Variants in LONRF2 observed in about 807,000 individuals in gnomAD.
The protein encoded by LONRF2 is LON peptidase N-terminal domain and RING finger protein 2.
In LONRF2, 35 loss-of-function variants were observed where a neutral mutation model predicts 66.6. The ratio of observed to expected loss-of-function variants is 0.53; its 90% confidence interval spans 0.40 to 0.70. The LOEUF is 0.70. Among genes scored for constraint, LONRF2 ranks in the 30% least tolerant of loss-of-function variants. LONRF2 has a pLI of 0.00. For synonymous variants in LONRF2, 417 were observed against 418.1 expected (o/e 1.00, Z 0.03); for missense variants, 902 against 1,002.1 (o/e 0.90, Z 1.35).
intron 2 of LONRF2, among the ~76,000 whole-genome samples, chr2:100,306,112 C>G (rs1169962901): frequency 1.3e-5 from 2 of 151,868 alleles, no homozygotes; most frequent in Non-Finnish European, 2.9e-5. Flanking sequence ...CGGGGTTTCA[C>G]CATGTTGGCC....
In LONRF2 at chr2:100,284,481, G is replaced by A. The variant is rs150403852; in HGVS notation, c.2082C>T (p.Ser694=). The A allele has an allele frequency of 3.0e-5, 48 of 1,587,734 alleles. No individual in the cohort carries two copies. Among genetic ancestry groups the A allele is most frequent in the African/African-American group, 1.8e-4 (13 of 74,160 alleles). The change falls in exon 12 of 12, where the codon AGC becomes AGT. Residue 694 remains serine, a synonymous_variant. Coordinates refer to ENST00000393437, the MANE Select transcript of LONRF2 (RefSeq NM_198461.4). ...GGATCCACCAGGACCAGGCAGGGCC[G>A]CTGGGATTACTCTGCAAAAGAGATG... The part of the protein sequence containing the change: ...DREPEPQSNP[S]GPAWSWWILA...
In LONRF2 at chr2:100,273,863, A is replaced by G. The variant is rs953194498; in HGVS notation, c.*10435T>C. ...CACTCTCCACTAGCATGAAAGAACA[A>G]TATATGAATAGAGTACACAGCTTTC... is the stretch of plus-strand genomic sequence containing the variant. On this transcript the variant is annotated 3_prime_UTR_variant, in exon 12 of 12. Coordinates refer to ENST00000393437, the MANE Select transcript of LONRF2 (RefSeq NM_198461.4). The G allele has an allele frequency of 2.6e-5, 4 of 152,212 alleles. No homozygotes were observed. Among genetic ancestry groups the G allele is most frequent in the African/African-American group, 9.7e-5 (4 of 41,446 alleles). 9.4% of individuals were successfully genotyped at this position (152,212 alleles called of 1,614,324 possible).
intron 10 of LONRF2, 110 bp downstream of exon 10, chr2:100,290,148 T>G: frequency 9.8e-7 from 1 of 1,024,726 alleles, no homozygotes; most frequent in Non-Finnish European, 1.4e-6. Flanking sequence ...AAGTGATGAA[T>G]TAAGGACTTA....
rs1674531935 is a variant in LONRF2 at position 100,273,160 on chromosome 2, G to C, written c.*11138C>G. 1 of 152,248 alleles carries C rather than the reference G, an allele frequency of 6.6e-6. No individual in the cohort carries two copies. Among genetic ancestry groups the C allele is most frequent in the South Asian group, 2.1e-4 (1 of 4,836 alleles). The allele number at this position is 152,248 out of a possible 1,614,324, so 9.4% of individuals were successfully genotyped here. The stretch of plus-strand genomic sequence containing the variant: ...CGGAAACTGGAGTGATGCAGCCGCT[G>C]GCCGAGGAAGGCCGAGGTCGGCCAG... On this transcript the variant is annotated 3_prime_UTR_variant, in exon 12 of 12. Coordinates refer to ENST00000393437, the MANE Select transcript of LONRF2 (RefSeq NM_198461.4).
At chr2:100,306,896 T>A (rs978588532) in intron 2 of LONRF2, among the ~76,000 whole-genome samples, 26 of 36,454 alleles carry the variant, frequency 7.1e-4, no homozygotes, top group African/African-American at 2.9e-3. Context: ...TAAACTTACT[T>A]TTTTTTTTTT....
intron 2 of LONRF2, among the ~76,000 whole-genome samples, chr2:100,305,087 CTGAACTCCTGGTACTTTCACGTAGTG>C (rs1450220000): frequency 6.6e-6 from 1 of 152,182 alleles, no homozygotes; most frequent in African/African-American, 2.4e-5. Context: ...ACTCGGAACT[CTGAACTCCTGGTACTTTCACGTAGTG>C]ATCCTGAGTG....
rs190544444 is a variant in LONRF2, at chr2:100,284,230, G to A, written c.*68C>T. Reference sequence around the variant, plus strand: ...ACTTGATGAAGCACAATGAATGGACGGCTATTCGTCCATGCCTGACATTTA... The same window carrying A: ...ACTTGATGAAGCACAATGAATGGACAGCTATTCGTCCATGCCTGACATTTA... On this transcript the variant is annotated 3_prime_UTR_variant, in exon 12 of 12. Coordinates refer to ENST00000393437, the MANE Select transcript of LONRF2 (RefSeq NM_198461.4). 4.1e-3 allele frequency: 5,622 copies of A among 1,361,678 alleles called. 20 individuals are homozygous for A. The highest frequency in any genetic ancestry group is 4.5e-3 in the Non-Finnish European group (4,615 of 1,025,076). 84.3% of individuals were successfully genotyped at this position (1,361,678 alleles called of 1,614,324 possible). A position where few individuals can be genotyped will look rare whatever the true frequency, so the allele number is the denominator to read the frequency against.
At position 100,321,886 on chromosome 2, in the gene LONRF2, G is replaced by A; in HGVS notation, c.208C>T (p.Arg70Cys). The A allele has an allele frequency of 1.6e-6, 2 of 1,230,438 alleles. No homozygotes were observed. The highest frequency in any genetic ancestry group is 2.0e-6 in the Non-Finnish European group (2 of 987,804). The allele number at this position is 1,230,438 out of a possible 1,614,324, so 76.2% of individuals were successfully genotyped here. ...LCLRLGDALA[R>C]AGRLPEALGA... is the part of the protein sequence containing the mutation. ...AGGGCTTCGGGGAGGCGGCCGGCGC[G>A]GGCCAGCGCGTCCCCCAGCCTCAGG... Residue 70 changes from arginine to cysteine, a missense_variant, in exon 1 of 12, where the codon CGC (arginine) becomes TGC (cysteine). Arg to Cys is a radical substitution (Grantham distance 180). Around this residue, in one of 2 missense-constraint regions of LONRF2, gnomAD observed 585 missense variants for 569.9 expected, o/e 1.03. Coordinates refer to ENST00000393437, the MANE Select transcript of LONRF2 (RefSeq NM_198461.4).
At position 100,295,455 on chromosome 2, in the gene LONRF2, A is replaced by T; in HGVS notation, c.1575T>A (p.Asp525Glu). 1 of 1,613,906 alleles carries T rather than the reference A, an allele frequency of 6.2e-7. No individual in the cohort carries two copies. Among genetic ancestry groups the T allele is most frequent in the Non-Finnish European group, 8.5e-7 (1 of 1,179,912 alleles). The change falls in exon 8 of 12, where the codon GAT becomes GAA. Residue 525 changes from aspartate to glutamate, a missense_variant. By Grantham distance (45) the Asp-to-Glu change is conservative. Around this residue, in one of 2 missense-constraint regions of LONRF2, gnomAD observed 317 missense variants for 432.2 expected, o/e 0.73. Transcript: ENST00000393437. ...ACTTTGACAGTTCTGACATTTCTTC[A>T]TCATAAATTCTCTTCCTATCAGACA... ...DELSDRKRIY[D>E]EEMSELSNLT...
At chr2:100,300,048 T>C (rs1675152107) in intron 4 of LONRF2, 130 bp from the exon 5 acceptor site, 2 of 604,594 alleles carry the variant, frequency 3.3e-6, no homozygotes, top group Non-Finnish European at 5.7e-6. Context: ...TCTTCATAAT[T>C]GGTTTCATCT....
intron 7 of LONRF2, among the ~76,000 whole-genome samples, chr2:100,295,847 T>C (rs528013520): frequency 6.6e-6 from 1 of 152,210 alleles, no homozygotes; most frequent in South Asian, 2.1e-4. Flanking sequence ...GGAAGTGAAG[T>C]AGGGCATGTT....
rs1156846625 is a variant in LONRF2, at chr2:100,295,856, T to C, written c.1477-303A>G. ...AGGGGAGGAAGTGAAGTAGGGCATG[T>C]TGGGAGAGGAGAGACTTTTGCAATG... On this transcript the variant is annotated intron_variant, in intron 7 of 11. Coordinates refer to ENST00000393437, the MANE Select transcript of LONRF2 (RefSeq NM_198461.4). Among the ~76,000 whole-genome samples the C allele has an allele frequency of 3.9e-5, 6 of 152,090 alleles. No individual in the cohort carries two copies. The East Asian group carries it at 5.8e-4, about 15-fold the overall frequency.
chr2:100,290,108 A>AAAAG (rs139366121), intron 10 of LONRF2, 150 bp downstream of exon 10: 30 of 777,506 alleles, frequency 3.9e-5, no homozygotes, highest in Non-Finnish European at 5.4e-5. Context: ...CCTTGACTCA[A>AAAAG]AAATAAACAA....
chr2:100,296,676 A>C (rs1675074745), intron 7 of LONRF2, among the ~76,000 whole-genome samples: 1 of 152,226 alleles, frequency 6.6e-6, no homozygotes, highest in Non-Finnish European at 1.5e-5. Context: ...CCACCATCAC[A>C]GGGTAACTGG....
Position 100,278,902 on chromosome 2 carries a change from C to T in LONRF2, c.*5396G>A, listed in dbSNP as rs553050574. ...GAGTCCACTAATGCTGATACATGCC[C>T]TGCTTCTGCCGAAACATGGCCCCCT... On this transcript the variant is annotated 3_prime_UTR_variant, in exon 12 of 12. Transcript: ENST00000393437. 6.6e-6 allele frequency: 1 copy of T among 152,290 alleles called. No individual in the cohort carries two copies. Among genetic ancestry groups the T allele is most frequent in the South Asian group, 2.1e-4 (1 of 4,826 alleles). 9.4% of individuals were successfully genotyped at this position (152,290 alleles called of 1,614,324 possible). A position where few individuals can be genotyped will look rare whatever the true frequency, so the allele number is the denominator to read the frequency against.
chr2:100,321,819 G>A lies in LONRF2; in HGVS notation c.275C>T (p.Pro92Leu). 2.7e-6 allele frequency: 3 copies of A among 1,101,758 alleles called. No homozygotes were observed. The highest frequency in any genetic ancestry group is 7.9e-4 in the Middle Eastern group (2 of 2,528). The allele number at this position is 1,101,758 out of a possible 1,614,324, so 68.2% of individuals were successfully genotyped here. A position where few individuals can be genotyped will look rare whatever the true frequency, so the allele number is the denominator to read the frequency against. ...RGAARLGALR[P>L]EELEELAGGL... is the part of the protein sequence containing the mutation. ...GCCCGCCAGCTCTTCCAGCTCCTCC[G>A]GCCGCAGCGCCCCGAGCCGCGCGGC... Residue 92 changes from proline (P) to leucine (L), a missense_variant, in exon 1 of 12, where the codon CCG (proline) becomes CTG (leucine). Pro to Leu is a moderately conservative substitution (Grantham distance 98). Transcript: ENST00000393437.
chr2:100,309,026 T>A, intron 2 of LONRF2, 81 bp downstream of exon 2: 4 of 936,646 alleles, frequency 4.3e-6, no homozygotes, highest in Non-Finnish European at 6.4e-6. Flanking sequence ...AGGTACCTGA[T>A]CACAATAATC....
chr2:100,299,340 A>G, intron 5 of LONRF2, 21 bp from the exon 6 acceptor site: 1 of 1,470,180 alleles, frequency 6.8e-7, no homozygotes, highest in Non-Finnish European at 9.3e-7. Context: ...AAAAATTTAA[A>G]ACGCTGTAAT....
rs1675140475 is a variant in LONRF2, at chr2:100,299,762, C to T, written c.1222G>A (p.Glu408Lys). Residue 408 changes from glutamate (E) to lysine (K), a missense_variant, in exon 5 of 12, where the codon GAG becomes AAG. Physicochemically the swap from Glu to Lys is moderately conservative, Grantham distance 56. Around this residue, in one of 2 missense-constraint regions of LONRF2, gnomAD observed 585 missense variants for 569.9 expected, o/e 1.03. Transcript: ENST00000393437. ...GGGGCGTTCAGGTCAGGTGCATCCTCCACGTCATCCGGAAACTGTCTCTTT... is the reference window on the plus strand; with the variant it reads ...GGGGCGTTCAGGTCAGGTGCATCCTTCACGTCATCCGGAAACTGTCTCTTT... ...GLKRQFPDDV[E>K]DAPDLNAPGK... 6.2e-7 allele frequency: 1 copy of T among 1,614,100 alleles called. No homozygotes were observed. Among genetic ancestry groups the T allele is most frequent in the Non-Finnish European group, 8.5e-7 (1 of 1,180,000 alleles).
Sources: gnomAD v4.1 joint callset for allele counts (sites outside exome capture counted in the v4.1 genomes callset) on GRCh38, gnomAD v4.1.1 for gene constraint, gnomAD v4.1.1 regional missense constraint, MANE v1.5 for transcripts, NCBI Gene and HGNC (gene_info 2026-07-23, HGNC 2026-07-21) for gene names.